Variants in LYST observed in about 807,000 individuals in gnomAD.
LYST encodes lysosomal-trafficking regulator.
A neutral mutation model predicts 413.6 loss-of-function variants in LYST; 192 were observed. The ratio of observed to expected loss-of-function variants is 0.46; its 90% CI spans 0.41 to 0.52. The LOEUF is 0.52. Ranked by LOEUF, LYST falls within the 20% of genes least tolerant of loss-of-function variation. The pLI is 0.00. For synonymous variants in LYST, 1,525 were observed against 1,567.3 expected (o/e 0.97, Z 0.64); for missense variants, 3,815 against 4,499.9 (o/e 0.85, Z 4.35).
intron 48 of LYST, among the ~76,000 whole-genome samples, chr1:235,683,474 T>C (rs1257441766): frequency 6.6e-6 from 1 of 152,256 alleles, no homozygotes; most frequent in Non-Finnish European, 1.5e-5. Flanking sequence ...AACATTTAAA[T>C]GGCTTATAGG....
At chr1:235,830,104 A>C (rs891687535) in intron 3 of LYST, 122 bp downstream of exon 3, 8 of 707,972 alleles carry the variant, frequency 1.1e-5, no homozygotes, top group Admixed American at 4.9e-5. Context: ...TTTTTAGTGG[A>C]ATAATGTGAA....
chr1:235,755,734 A>C, intron 24 of LYST, 87 bp from the exon 25 acceptor site: 2 of 758,310 alleles, frequency 2.6e-6, no homozygotes, highest in South Asian at 3.1e-5. Flanking sequence ...TGTATTTGTA[A>C]ATTAAGTTCA....
intron 37 of LYST, among the ~76,000 whole-genome samples, chr1:235,728,770 G>T (rs1425907379): frequency 6.6e-6 from 1 of 152,210 alleles, no homozygotes; most frequent in African/African-American, 2.4e-5. Context: ...CTAGCTCAGA[G>T]AAGGGTACTA....
At chr1:235,719,431 A>G (rs999492855) in intron 40 of LYST, among the ~76,000 whole-genome samples, 1 of 152,182 alleles carries the variant, frequency 6.6e-6, no homozygotes, top group Non-Finnish European at 1.5e-5. Context: ...GAAATGAGAG[A>G]ATGGGAAATC....
chr1:235,835,102 G>GT (rs1553315520), intron 1 of LYST, among the ~76,000 whole-genome samples: 14 of 134,640 alleles, frequency 1.0e-4, no homozygotes, highest in African/African-American at 5.5e-4. Flanking sequence ...ATTTTTAATG[G>GT]GGGGGGGTTT....
chr1:235,774,422 T>G (rs935461662), intron 18 of LYST, among the ~76,000 whole-genome samples: 3 of 152,166 alleles, frequency 2.0e-5, no homozygotes. Flanking sequence ...ATTTCCACAA[T>G]GTTACCAAAT....
Position 235,664,468 on chromosome 1 carries a change from A to G in LYST, c.11192T>C (p.Val3731Ala). Residue 3731 changes from valine (V) to alanine (A), a missense_variant, in exon 51 of 53, where the codon GTA becomes GCA. By Grantham distance (64) the Val-to-Ala change is moderately conservative. Around this residue, in one of 4 missense-constraint regions of LYST, gnomAD observed 866 missense variants for 1,156.0 expected, o/e 0.75. Coordinates refer to ENST00000389793, the MANE Select transcript of LYST (RefSeq NM_000081.4). This position sits in a 1 kb window ranked among gnomAD's most constrained non-coding sequence, Gnocchi z 4.5. The part of the protein sequence containing the change: ...VIAGGLENGI[V>A]RLWSTWDLKP... ...AGAGAATCCAAATTCCTCTTACCTT[A>G]CAATTCCATTTTCTAATCCCCCAGC... 4.3e-6 allele frequency: 7 copies of G among 1,613,948 alleles called. No homozygotes were observed. Among genetic ancestry groups the G allele is most frequent in the Non-Finnish European group, 5.9e-6 (7 of 1,179,888 alleles).
chr1:235,716,903 T>C, intron 40 of LYST, 125 bp from the exon 41 acceptor site: 1 of 627,786 alleles, frequency 1.6e-6, no homozygotes, highest in East Asian at 2.8e-5. Context: ...TTTCTCTGCT[T>C]AAACATATTG....
chr1:235,707,697 T>G (rs1424794619), intron 44 of LYST, among the ~76,000 whole-genome samples: 6 of 152,180 alleles, frequency 3.9e-5, no homozygotes, highest in Non-Finnish European at 1.5e-5. Flanking sequence ...GAAGTAAAGA[T>G]GTACATAAAA....
Position 235,662,964 on chromosome 1 carries a change from G to A in LYST, c.11382C>T (p.Phe3794=), listed in dbSNP as rs111770759. Residue 3794 remains phenylalanine, a synonymous_variant, in exon 53 of 53, where the codon TTC becomes TTT. Coordinates refer to ENST00000389793, the MANE Select transcript of LYST (RefSeq NM_000081.4). Reference sequence around the variant, plus strand: ...TTCACCCGGCTGCATAGCTGCTAAGGAAGGAATAGAACATTGGCTGTTTCA... The same window carrying A: ...TTCACCCGGCTGCATAGCTGCTAAGAAAGGAATAGAACATTGGCTGTTTCA... ...QRLKQPMFYS[F]LSSYAAG 217 of 1,602,166 alleles carry A rather than the reference G, an allele frequency of 1.4e-4. No individual in the cohort carries two copies. The African/African-American group carries it at 2.7e-3, about 20-fold the overall frequency.
At chr1:235,781,883 G>T in intron 15 of LYST, 44 bp downstream of exon 15, 1 of 1,329,848 alleles carries the variant, frequency 7.5e-7, no homozygotes, top group Non-Finnish European at 1.1e-6. Context: ...ATCTCACTCT[G>T]TCGCCCAGGC....
chr1:235,813,025 G>A lies in LYST; in HGVS notation c.229C>T (p.Leu77=). ...TCREELLTLL[L]SLLPLVWKIP... The stretch of plus-strand genomic sequence containing the variant: ...TTCCATACCAGTGGAAGGAGAGACA[G>A]AAGAAGAGTCAGGAGTTCTTCTCTA... Residue 77 remains leucine, a synonymous_variant, in exon 4 of 53, where the codon CTG becomes TTG. Coordinates refer to ENST00000389793, the MANE Select transcript of LYST (RefSeq NM_000081.4). 3 of 1,612,036 alleles carry A rather than the reference G, an allele frequency of 1.9e-6. No homozygotes were observed. Among genetic ancestry groups the A allele is most frequent in the Non-Finnish European group, 2.5e-6 (3 of 1,178,274 alleles).
At chr1:235,868,495 CAAAG>C (rs1680763351), upstream of LYST, among the ~76,000 whole-genome samples, 2 of 151,876 alleles carry the variant, frequency 1.3e-5, no homozygotes, top group African/African-American at 4.8e-5. Flanking sequence ...CAAAAGAAGT[CAAAG>C]AAATATTAAG....
intron 48 of LYST, among the ~76,000 whole-genome samples, chr1:235,681,403 C>G (rs1334104929): frequency 6.6e-6 from 1 of 152,030 alleles, no homozygotes; most frequent in Non-Finnish European, 1.5e-5. Flanking sequence ...GTGTGTGATG[C>G]CTAGCAACCT....
intron 5 of LYST, 61 bp downstream of exon 5, chr1:235,808,394 G>A: frequency 6.7e-7 from 1 of 1,503,010 alleles, no homozygotes; most frequent in Non-Finnish European, 9.1e-7. Context: ...AGCATCCAAT[G>A]AAAAAGATCT....
chr1:235,712,927 A>C (rs1662522090), intron 42 of LYST: 1 of 985,414 alleles, frequency 1.0e-6, no homozygotes, highest in Non-Finnish European at 1.2e-6. Flanking sequence ...AATGATATCC[A>C]AAAGCTAGCC....
chr1:235,858,769 T>A (rs1229665019), intron 1 of LYST, among the ~76,000 whole-genome samples: 1 of 152,152 alleles, frequency 6.6e-6, no homozygotes, highest in Non-Finnish European at 1.5e-5. Context: ...TCAATCCAGG[T>A]TCAGTCTACT....
At chr1:235,870,533 G>A (rs1044119977), upstream of LYST, among the ~76,000 whole-genome samples, 2 of 152,188 alleles carry the variant, frequency 1.3e-5, no homozygotes, top group African/African-American at 2.4e-5. Flanking sequence ...CCTGATTCAC[G>A]AATTGTTTTG....
intron 11 of LYST, among the ~76,000 whole-genome samples, chr1:235,793,289 G>A (rs1671207553): frequency 1.3e-5 from 2 of 152,114 alleles, no homozygotes; most frequent in Non-Finnish European, 1.5e-5. Flanking sequence ...TAATCTCAGC[G>A]ATATGTCTGG....
Sources: gnomAD v4.1 joint callset for allele counts (sites outside exome capture counted in the v4.1 genomes callset) on GRCh38, gnomAD v4.1.1 for gene constraint, gnomAD v4.1.1 regional missense constraint, Gnocchi (gnomAD v3.1) non-coding constraint, MANE v1.5 for transcripts, NCBI Gene and HGNC (gene_info 2026-07-23, HGNC 2026-07-21) for gene names.